Variants in FAR1 observed in about 807,000 individuals in gnomAD.
The protein encoded by FAR1 is fatty acyl-CoA reductase 1.
Under a neutral mutation model 61.1 loss-of-function variants are expected in FAR1, and 22 were observed. That is an observed-to-expected ratio of 0.36 (90% CI 0.26 to 0.51). The LOEUF (loss-of-function observed/expected upper bound fraction) is 0.51, where lower values mean the gene tolerates loss of function less well. Among genes scored for constraint, FAR1 ranks in the 20% least tolerant of loss-of-function variants. The pLI is 0.95. For missense variants in FAR1, 359 were observed against 626.9 expected (o/e 0.57, Z 4.56); for synonymous variants, 206 against 209.7 (o/e 0.98, Z 0.15).
intron 1 of FAR1, among the ~76,000 whole-genome samples, chr11:13,683,513 A>C (rs1457684394): frequency 6.6e-6 from 1 of 152,120 alleles, no homozygotes; most frequent in Non-Finnish European, 1.5e-5. Context: ...CATTTGCTCA[A>C]AACTGTCTCT....
chr11:13,703,572 T>C (rs1848399616), intron 3 of FAR1, among the ~76,000 whole-genome samples: 1 of 152,244 alleles, frequency 6.6e-6, no homozygotes, highest in East Asian at 1.9e-4. Context: ...CGATAGGATA[T>C]GCAAAATAAC....
At chr11:13,712,932 T>G (rs1275467505) in intron 7 of FAR1, 34 bp from the exon 8 acceptor site, 1 of 1,589,016 alleles carries the variant, frequency 6.3e-7, no homozygotes, top group Admixed American at 1.7e-5. Flanking sequence ...TGGCCTCTTA[T>G]TATGATTAAT....
chr11:13,700,915 TTA>T, intron 3 of FAR1, among the ~76,000 whole-genome samples: 1 of 151,980 alleles, frequency 6.6e-6, no homozygotes, highest in African/African-American at 2.4e-5. Context: ...GGTTATAAAT[TTA>T]AATCACACCT....
intron 1 of FAR1, among the ~76,000 whole-genome samples, chr11:13,679,632 A>G (rs1848103758): frequency 6.6e-6 from 1 of 152,222 alleles, no homozygotes. Flanking sequence ...GAAAATGTAT[A>G]TTATTGAAAA....
intron 10 of FAR1, chr11:13,723,476 T>A (rs1848636373): frequency 2.8e-6 from 1 of 355,038 alleles, no homozygotes. Context: ...TGATATGTTA[T>A]TCCTGGCTCG....
intron 1 of FAR1, among the ~76,000 whole-genome samples, chr11:13,674,410 C>T (rs1591252392): frequency 6.6e-6 from 1 of 151,916 alleles, no homozygotes; most frequent in Admixed American, 6.6e-5. Flanking sequence ...GTGTAACTTG[C>T]TAGGCAAGTC....
chr11:13,706,358 T>C (rs1848431613), intron 3 of FAR1, among the ~76,000 whole-genome samples: 1 of 152,162 alleles, frequency 6.6e-6, no homozygotes, highest in Non-Finnish European at 1.5e-5. Context: ...GATTAATAAA[T>C]ATACCATTTC....
chr11:13,670,233 C>CTGT (rs1847982483), intron 1 of FAR1: 1 of 151,936 alleles, frequency 6.6e-6, no homozygotes, highest in African/African-American at 2.4e-5. Context: ...CACCCAGGCC[C>CTGT]TGTTATTCCA....
intron 1 of FAR1, among the ~76,000 whole-genome samples, chr11:13,670,518 C>CT (rs1187904480): frequency 6.6e-6 from 1 of 152,134 alleles, no homozygotes; most frequent in African/African-American, 2.4e-5. Flanking sequence ...TCTCGAACCC[C>CT]TGACTTCAAG....
intron 1 of FAR1, among the ~76,000 whole-genome samples, chr11:13,687,868 C>T (rs1848205386): frequency 6.7e-6 from 1 of 149,282 alleles, no homozygotes; most frequent in African/African-American, 2.5e-5. Flanking sequence ...AAACCAAACA[C>T]CGCATGCTCT....
chr11:13,696,657 C>CCATAAAATT (rs1848308943), intron 2 of FAR1, among the ~76,000 whole-genome samples: 1 of 152,118 alleles, frequency 6.6e-6, no homozygotes, highest in Non-Finnish European at 1.5e-5. Flanking sequence ...ACTTGATACT[C>CCATAAAATT]CATAAAATTA....
At chr11:13,727,877 C>G (rs917283519) in intron 11 of FAR1, among the ~76,000 whole-genome samples, 194 bp downstream of exon 11, 16 of 151,844 alleles carry the variant, frequency 1.1e-4, no homozygotes, top group African/African-American at 3.9e-4. Flanking sequence ...ATTATTATCC[C>G]TCTCATGCCT....
At chr11:13,699,230 A>G (rs1848342810) in intron 2 of FAR1, among the ~76,000 whole-genome samples, 1 of 152,150 alleles carries the variant, frequency 6.6e-6, no homozygotes, top group Non-Finnish European at 1.5e-5. Flanking sequence ...CTTACCTGTT[A>G]TTGCTTAACA....
At chr11:13,710,609 T>C in intron 4 of FAR1, 84 bp from the exon 5 acceptor site, 1 of 1,181,442 alleles carries the variant, frequency 8.5e-7, no homozygotes, top group Non-Finnish European at 1.2e-6. Flanking sequence ...GCAGATATGT[T>C]TGAATGTGCG....
intron 1 of FAR1, among the ~76,000 whole-genome samples, chr11:13,693,352 C>CT (rs1315014447): frequency 6.6e-6 from 1 of 151,748 alleles, no homozygotes; most frequent in East Asian, 1.9e-4. Context: ...GCTATAAATG[C>CT]TTTTTTCTTT....
chr11:13,699,981 A>G (rs757182403), intron 2 of FAR1, among the ~76,000 whole-genome samples: 8 of 152,196 alleles, frequency 5.3e-5, no homozygotes, highest in Non-Finnish European at 1.2e-4. Context: ...CCTAATGTCT[A>G]TATTGCTGAA....
intron 3 of FAR1, among the ~76,000 whole-genome samples, chr11:13,706,705 A>T (rs1848437039): frequency 6.6e-6 from 1 of 152,152 alleles, no homozygotes; most frequent in Admixed American, 6.5e-5. Context: ...TGTACAATAG[A>T]TCTCTTGGTC....
intron 4 of FAR1, among the ~76,000 whole-genome samples, chr11:13,708,439 G>GCA (rs1848459524): frequency 4.8e-5 from 4 of 83,488 alleles, no homozygotes; most frequent in Admixed American, 2.9e-4. Context: ...ACATGTGCGC[G>GCA]CGCGCGCGCA....
At chr11:13,726,727 CTTTTTT>C (rs896994096) in intron 10 of FAR1, among the ~76,000 whole-genome samples, 1 of 141,682 alleles carries the variant, frequency 7.1e-6, no homozygotes, top group African/African-American at 2.6e-5. Context: ...GCTTCTCTTC[CTTTTTT>C]TTTTTTTTAA....
Sources: allele counts gnomAD v4.1 joint callset (sites outside exome capture counted in the v4.1 genomes callset), GRCh38; gene constraint gnomAD v4.1.1; transcripts MANE v1.5; gene names NCBI Gene and HGNC (gene_info 2026-07-23, HGNC 2026-07-21).